CHL1: variants seen among roughly 807,000 people sequenced by gnomAD.
The protein encoded by CHL1 is neural cell adhesion molecule L1-like protein.
Under a neutral mutation model 141.9 loss-of-function variants are expected in CHL1, and 96 were observed. The ratio of observed to expected loss-of-function variants is 0.68; its 90% CI spans 0.57 to 0.80. The LOEUF (loss-of-function observed/expected upper bound fraction) is 0.80, where lower values mean the gene tolerates loss of function less well. CHL1 is among the 30% of genes least tolerant of loss of function. The pLI, the probability that CHL1 is intolerant of heterozygous loss-of-function variation, is 0.00. For missense variants in CHL1, 1,820 were observed against 1,457.2 expected (o/e 1.25, Z -4.05); for synonymous variants, 613 against 502.2 (o/e 1.22, Z -2.95).
At chr3:313,335 T>A (rs1051188979) in intron 2 of CHL1, among the ~76,000 whole-genome samples, 16 of 152,338 alleles carry the variant, frequency 1.1e-4, no homozygotes, top group African/African-American at 3.8e-4. Context: ...ATGTGCTATG[T>A]CAAACCAGCT....
chr3:368,507 G>A (rs1398710426), intron 15 of CHL1, among the ~76,000 whole-genome samples: 1 of 152,066 alleles, frequency 6.6e-6, no homozygotes, highest in Non-Finnish European at 1.5e-5. Flanking sequence ...TTTGTCAGAT[G>A]GGTAGTTGTA....
intron 2 of CHL1, among the ~76,000 whole-genome samples, chr3:310,789 T>A (rs1256090816): frequency 6.6e-6 from 1 of 152,206 alleles, no homozygotes; most frequent in Non-Finnish European, 1.5e-5. Context: ...GGTGTATACA[T>A]TCTACGGGTT....
chr3:266,217 G>C (rs928077615), intron 2 of CHL1, among the ~76,000 whole-genome samples: 2 of 152,144 alleles, frequency 1.3e-5, no homozygotes, highest in Non-Finnish European at 2.9e-5. Context: ...AGTCAGCTCA[G>C]CTTAAGCCTC....
chr3:235,058 G>A (rs1209788414), intron 1 of CHL1, among the ~76,000 whole-genome samples: 2 of 151,456 alleles, frequency 1.3e-5, no homozygotes, highest in Non-Finnish European at 2.9e-5. Context: ...CATTGTGCAG[G>A]TTAGTTACAT....
chr3:368,314 A>G (rs894988280), intron 15 of CHL1, among the ~76,000 whole-genome samples: 1 of 151,990 alleles, frequency 6.6e-6, no homozygotes, highest in Non-Finnish European at 1.5e-5. Flanking sequence ...ATGGTATCTC[A>G]TTGTGGTTTT....
At chr3:280,762 T>C (rs1409122923) in intron 2 of CHL1, among the ~76,000 whole-genome samples, 1 of 152,098 alleles carries the variant, frequency 6.6e-6, no homozygotes, top group Non-Finnish European at 1.5e-5. Flanking sequence ...ATTTGGTTGG[T>C]TGGGTGGGTA....
intron 16 of CHL1, among the ~76,000 whole-genome samples, chr3:380,646 C>T (rs1706917917): frequency 2.0e-5 from 3 of 152,134 alleles, no homozygotes; most frequent in African/African-American, 7.2e-5. Flanking sequence ...TATAAACTGC[C>T]TTCCTACTCT....
At chr3:198,044 C>A in intron 1 of CHL1, 1 of 305,466 alleles carries the variant, frequency 3.3e-6, no homozygotes, top group South Asian at 2.6e-5. Flanking sequence ...GGCCGGGGAA[C>A]TCCTGCGAAA....
chr3:248,771 G>C (rs1693417306), intron 2 of CHL1, among the ~76,000 whole-genome samples: 2 of 152,026 alleles, frequency 1.3e-5, no homozygotes, highest in African/African-American at 4.8e-5. Context: ...AGAAAAGACT[G>C]ACTATAATCA....
intron 11 of CHL1, among the ~76,000 whole-genome samples, chr3:358,966 A>G (rs1195294631): frequency 6.9e-6 from 1 of 145,082 alleles, no homozygotes; most frequent in East Asian, 1.9e-4. Context: ...TATATATAAA[A>G]TATATGTTAT....
At chr3:292,219 T>C (rs1574977184) in intron 2 of CHL1, among the ~76,000 whole-genome samples, 1 of 152,234 alleles carries the variant, frequency 6.6e-6, no homozygotes, top group Non-Finnish European at 1.5e-5. Flanking sequence ...TCATTACAGA[T>C]GCATTAAGTC....
At chr3:374,233 G>C (rs960109864) in intron 15 of CHL1, among the ~76,000 whole-genome samples, 2 of 151,998 alleles carry the variant, frequency 1.3e-5, no homozygotes, top group African/African-American at 4.8e-5. Flanking sequence ...TATATACAAA[G>C]GTTTGCAGAA....
At chr3:269,557 C>T (rs998359790) in intron 2 of CHL1, among the ~76,000 whole-genome samples, 5 of 152,076 alleles carry the variant, frequency 3.3e-5, no homozygotes, top group African/African-American at 9.7e-5. Context: ...TGGAGTTCTG[C>T]TCTTGTGGCC....
At chr3:222,013 G>C (rs1700886887) in intron 1 of CHL1, among the ~76,000 whole-genome samples, 1 of 152,082 alleles carries the variant, frequency 6.6e-6, no homozygotes, top group Admixed American at 6.6e-5. Flanking sequence ...TTAGAATAAA[G>C]GCAGCATATA....
intron 20 of CHL1, 27 bp downstream of exon 20, chr3:389,501 G>C (rs774230102): frequency 1.3e-6 from 2 of 1,537,512 alleles, no homozygotes; most frequent in Non-Finnish European, 1.8e-6. Context: ...AAACTGCTAA[G>C]CACGTCAGTA....
chr3:354,861 A>C, intron 11 of CHL1, 90 bp downstream of exon 11: 1 of 1,505,382 alleles, frequency 6.6e-7, no homozygotes, highest in East Asian at 2.3e-5. Flanking sequence ...TGAAGTTGGT[A>C]TGTGGTTGGA....
chr3:326,120 C>A, intron 4 of CHL1, 56 bp downstream of exon 4: 1 of 993,754 alleles, frequency 1.0e-6, no homozygotes, highest in South Asian at 1.5e-5. Flanking sequence ...CTTTATGCTG[C>A]TCTTTACTCT....
At chr3:353,531 C>T (rs1703443842) in intron 10 of CHL1, among the ~76,000 whole-genome samples, 1 of 152,096 alleles carries the variant, frequency 6.6e-6, no homozygotes, top group African/African-American at 2.4e-5. Context: ...CAATTAAGTC[C>T]ACACCCTGTG....
At position 260,588 on chromosome 3, in the gene CHL1, A is replaced by G. The variant is rs143064752; in HGVS notation, c.-95+15896A>G. 2.3e-3 allele frequency among the ~76,000 whole-genome samples: 354 copies of G among 152,320 alleles called. 1 individual carries two copies. Among genetic ancestry groups the G allele is most frequent in the African/African-American group, 8.1e-3 (338 of 41,568 alleles). ...CACGACAGCAGATTCACACAGGCACAGGCACTTGCAGACTGCCATAGCTTA... is the reference window on the plus strand; with the variant it reads ...CACGACAGCAGATTCACACAGGCACGGGCACTTGCAGACTGCCATAGCTTA... On this transcript the variant is annotated intron_variant, in intron 2 of 27. Transcript: ENST00000256509.
Sources: allele counts gnomAD v4.1 joint callset (sites outside exome capture counted in the v4.1 genomes callset), GRCh38; gene constraint gnomAD v4.1.1; transcripts MANE v1.5; gene names NCBI Gene and HGNC (gene_info 2026-07-23, HGNC 2026-07-21).